The following DOCK3 variants were observed in gnomAD, a reference collection of about 807,000 sequenced individuals.
DOCK3 encodes dedicator of cytokinesis 3, also known as dedicator of cytokinesis protein 3.
Under a neutral mutation model 265.6 loss-of-function variants are expected in DOCK3, and 60 were observed. That is an observed-to-expected ratio of 0.23 (90% confidence interval 0.18 to 0.28). DOCK3 has a LOEUF of 0.28. DOCK3 is among the 10% of genes least tolerant of loss of function. The pLI is 1.00. For synonymous variants in DOCK3, 881 were observed against 938.0 expected, an observed-to-expected ratio of 0.94 and a Z score of 1.11; for missense variants, 1,981 against 2,594.3, an observed-to-expected ratio of 0.76 and a Z score of 5.14.
At chr3:51,354,711 G>A (rs373081407) in intron 40 of DOCK3, among the ~76,000 whole-genome samples, 171 bp from the exon 41 acceptor site, 34 of 152,082 alleles carry the variant, frequency 2.2e-4, no homozygotes, top group African/African-American at 4.3e-4. Flanking sequence ...TGTAATTCTC[G>A]CTTTGTTTTT....
intron 5 of DOCK3, among the ~76,000 whole-genome samples, chr3:50,937,403 C>T (rs9832952): frequency 0.75 from 112,846 of 151,460 alleles, 43,378 homozygotes; most frequent in Middle Eastern, 0.88. Context: ...GCCTGTAATC[C>T]CAGCACTTTG....
At chr3:51,041,174 A>T (rs2080472380) in intron 5 of DOCK3, among the ~76,000 whole-genome samples, 1 of 9,016 alleles carries the variant, frequency 1.1e-4, no homozygotes, top group Non-Finnish European at 2.2e-4. Context: ...ATATATATAT[A>T]TATATATATA....
intron 5 of DOCK3, among the ~76,000 whole-genome samples, chr3:50,943,292 C>T (rs1230400950): frequency 1.3e-5 from 2 of 151,922 alleles, no homozygotes; most frequent in Non-Finnish European, 2.9e-5. Flanking sequence ...TTGTAAATAT[C>T]TACATTGATG....
Position 51,233,354 on chromosome 3 carries a change from C to CTATTTATTTATT in DOCK3, c.1918-2988_1918-2987insTTATTTATTTAT, listed in dbSNP as rs1219559169. 3.1e-3 allele frequency among the ~76,000 whole-genome samples: 352 copies of CTATTTATTTATT among 113,246 alleles called. 4 individuals are homozygous for CTATTTATTTATT. Among genetic ancestry groups the CTATTTATTTATT allele is most frequent in the African/African-American group, 0.016 (339 of 21,800 alleles). The allele number at this position is 113,246 out of a possible 152,430, so 74.3% of individuals were successfully genotyped here. ...TCTATCTATCTATCTATCTATCTAT[C>CTATTTATTTATT]TATCTATTTATTTATTTATTTATTT... On this transcript the variant is annotated intron_variant, in intron 19 of 52. Transcript: ENST00000266037.
intron 27 of DOCK3, among the ~76,000 whole-genome samples, chr3:51,283,850 T>C (rs2081272708): frequency 6.6e-6 from 1 of 152,128 alleles, no homozygotes; most frequent in African/African-American, 2.4e-5. Context: ...TGGTTTCGTA[T>C]GGGCATGTAA....
intron 9 of DOCK3, among the ~76,000 whole-genome samples, chr3:51,135,908 C>T (rs979441491): frequency 6.6e-6 from 1 of 151,982 alleles, no homozygotes; most frequent in African/African-American, 2.4e-5. Flanking sequence ...CAGGATCTCG[C>T]CATATTTCCA....
chr3:50,849,364 A>C (rs1231522542), intron 3 of DOCK3, among the ~76,000 whole-genome samples: 1 of 151,558 alleles, frequency 6.6e-6, no homozygotes, highest in Non-Finnish European at 1.5e-5. Context: ...ACACACACAC[A>C]TACACACGCA....
chr3:51,181,916 A>G (rs1283182456), intron 12 of DOCK3, among the ~76,000 whole-genome samples: 1 of 152,230 alleles, frequency 6.6e-6, no homozygotes, highest in Non-Finnish European at 1.5e-5. Flanking sequence ...TCCATTTCTA[A>G]CAAGTTCACT....
intron 12 of DOCK3, among the ~76,000 whole-genome samples, chr3:51,172,120 C>T (rs965154917): frequency 6.6e-6 from 1 of 151,268 alleles, no homozygotes; most frequent in Non-Finnish European, 1.5e-5. Flanking sequence ...TCTATTTTGT[C>T]TAATTTAAGT....
chr3:50,799,043 T>C (rs1271183531), intron 2 of DOCK3, among the ~76,000 whole-genome samples: 1 of 152,224 alleles, frequency 6.6e-6, no homozygotes. Flanking sequence ...GATATGTGCA[T>C]TAATTTCTGG....
intron 9 of DOCK3, among the ~76,000 whole-genome samples, chr3:51,132,812 C>A (rs1353900642): frequency 2.0e-5 from 3 of 152,080 alleles, no homozygotes; most frequent in African/African-American, 2.4e-5. Flanking sequence ...TGGGGGAGGA[C>A]CCTGATGAAG....
chr3:51,211,587 C>T (rs1208042558), intron 13 of DOCK3, among the ~76,000 whole-genome samples: 1 of 144,220 alleles, frequency 6.9e-6, no homozygotes, highest in African/African-American at 2.6e-5. Context: ...TTCAATTTCC[C>T]ACCTATGAGT....
intron 32 of DOCK3, among the ~76,000 whole-genome samples, chr3:51,326,059 TAAAA>T (rs3074621): frequency 6.8e-6 from 1 of 146,350 alleles, no homozygotes; most frequent in African/African-American, 2.5e-5. Context: ...CCTAAAGTAT[TAAAA>T]AAAAAAAAAG....
intron 15 of DOCK3, 142 bp from the exon 16 acceptor site, chr3:51,227,141 C>A: frequency 1.2e-6 from 1 of 854,508 alleles, no homozygotes; most frequent in Non-Finnish European, 1.8e-6. Flanking sequence ...GAATTTAAAT[C>A]AAATGCATTT....
chr3:50,894,110 C>T (rs1559779680), intron 4 of DOCK3, among the ~76,000 whole-genome samples: 2 of 151,808 alleles, frequency 1.3e-5, no homozygotes, highest in African/African-American at 4.8e-5. Flanking sequence ...GCACATGTAC[C>T]CTAGAACTTA....
intron 1 of DOCK3, among the ~76,000 whole-genome samples, chr3:50,741,380 C>T (rs2039014744): frequency 6.7e-6 from 1 of 149,388 alleles, no homozygotes; most frequent in African/African-American, 2.5e-5. Context: ...CCCACTAACT[C>T]GTCATTTAGC....
chr3:50,831,180 AC>A (rs1345287994), intron 2 of DOCK3, among the ~76,000 whole-genome samples: 1 of 142,130 alleles, frequency 7.0e-6, no homozygotes, highest in African/African-American at 2.6e-5. Flanking sequence ...CTTTACTGCA[AC>A]CTGTTTTATT....
chr3:51,271,249 G>A (rs1560324481), intron 24 of DOCK3, among the ~76,000 whole-genome samples: 1 of 152,216 alleles, frequency 6.6e-6, no homozygotes, highest in Non-Finnish European at 1.5e-5. Flanking sequence ...TCACTGGGGT[G>A]GTGCTGAGTC....
chr3:51,318,794 A>C (rs2083512269), intron 32 of DOCK3, among the ~76,000 whole-genome samples: 1 of 152,164 alleles, frequency 6.6e-6, no homozygotes, highest in South Asian at 2.1e-4. Flanking sequence ...AAGAAAGTTC[A>C]ATTAAAATGT....
Sources: gnomAD v4.1 joint callset for allele counts (sites outside exome capture counted in the v4.1 genomes callset) on GRCh38, gnomAD v4.1.1 for gene constraint, MANE v1.5 for transcripts, NCBI Gene and HGNC (gene_info 2026-07-23, HGNC 2026-07-21) for gene names.